ROBO2: variants seen among roughly 807,000 people sequenced by gnomAD.
The protein encoded by ROBO2 is roundabout guidance receptor 2.
A neutral mutation model predicts 160.8 loss-of-function variants in ROBO2; 53 were observed. That is an observed-to-expected ratio of 0.33 (90% CI 0.26 to 0.41). The LOEUF (loss-of-function observed/expected upper bound fraction) is 0.41, where lower values mean the gene tolerates loss of function less well. Ranked by LOEUF, ROBO2 falls within the 10% of genes least tolerant of loss-of-function variation. The probability of loss-of-function intolerance (pLI) is 1.00; values close to 1 mark genes in which losing one functional copy is unlikely to be tolerated. For synonymous variants in ROBO2, 664 were observed against 611.7 expected (o/e 1.09, Z -1.26); for missense variants, 1,577 against 1,722.4 (o/e 0.92, Z 1.49).
intron 2 of ROBO2, among the ~76,000 whole-genome samples, chr3:76,185,734 G>A (rs947085727): frequency 6.6e-5 from 10 of 152,000 alleles, no homozygotes; most frequent in Admixed American, 1.3e-4. Context: ...TTGTGAAGTC[G>A]GAAGGAGAAA....
At chr3:76,073,264 A>ATTC (rs1559888721) in intron 2 of ROBO2, among the ~76,000 whole-genome samples, 10 of 83,438 alleles carry the variant, frequency 1.2e-4, no homozygotes, top group Non-Finnish European at 1.6e-4. Flanking sequence ...CAGAATGAGT[A>ATTC]TTCTTTTTTT....
chr3:77,434,279 T>C (rs538858383), intron 2 of ROBO2, among the ~76,000 whole-genome samples: 6 of 152,220 alleles, frequency 3.9e-5, no homozygotes, highest in East Asian at 1.9e-4. Flanking sequence ...ATCCTTAATA[T>C]GATTTTTTTA....
intron 1 of ROBO2, among the ~76,000 whole-genome samples, chr3:77,083,768 G>C (rs1257895541): frequency 6.6e-6 from 1 of 152,092 alleles, no homozygotes; most frequent in Non-Finnish European, 1.5e-5. Flanking sequence ...GAGAAAGATG[G>C]AGTTGATGTC....
intron 2 of ROBO2, among the ~76,000 whole-genome samples, chr3:76,349,065 T>G (rs1414180579): frequency 1.3e-5 from 2 of 152,128 alleles, no homozygotes; most frequent in Non-Finnish European, 2.9e-5. Flanking sequence ...TCTTACTGTT[T>G]AAGATCTCTG....
At chr3:76,231,490 C>A (rs1038135668) in intron 2 of ROBO2, among the ~76,000 whole-genome samples, 1 of 151,998 alleles carries the variant, frequency 6.6e-6, no homozygotes, top group African/African-American at 2.4e-5. Context: ...TTCATTTTTT[C>A]TTTGATGACT....
rs1309183552 is a variant in ROBO2, at chr3:77,316,286, G to A, written c.389-161128G>A. ...CATTTGGTGTAAAAGAGGTGACGAC[G>A]ATGAACTGCGGTGGGAACAGGTCAT... On this transcript the variant is annotated intron_variant, in intron 2 of 25. Coordinates refer to ENST00000461745, the Ensembl canonical transcript of ROBO2. Among the ~76,000 whole-genome samples the A allele has an allele frequency of 2.6e-5, 4 of 152,092 alleles. No homozygotes were observed. The South Asian group carries it at 6.2e-4, about 24-fold the overall frequency.
At chr3:76,949,218 T>C (rs2078808146) in intron 2 of ROBO2, among the ~76,000 whole-genome samples, 1 of 152,072 alleles carries the variant, frequency 6.6e-6, no homozygotes, top group Admixed American at 6.6e-5. Flanking sequence ...TGCCGTATGC[T>C]GTGTGCAGCT....
chr3:77,319,782 T>A (rs2064475768), intron 2 of ROBO2, among the ~76,000 whole-genome samples: 1 of 152,190 alleles, frequency 6.6e-6, no homozygotes. Flanking sequence ...TTTTAATGGA[T>A]GTTGGGTGGC....
intron 2 of ROBO2, among the ~76,000 whole-genome samples, chr3:77,288,604 A>G (rs9848676): frequency 0.1 from 15,659 of 152,202 alleles, 1,051 homozygotes; most frequent in East Asian, 0.35. Flanking sequence ...CTCTCTGTGA[A>G]CCAACAGCTG....
At chr3:76,616,594 G>C (rs898957561) in intron 2 of ROBO2, among the ~76,000 whole-genome samples, 1 of 152,174 alleles carries the variant, frequency 6.6e-6, no homozygotes, top group Non-Finnish European at 1.5e-5. Flanking sequence ...GAAAGCAAAG[G>C]CAACTAATTA....
At chr3:76,571,216 C>A (rs973298179) in intron 2 of ROBO2, among the ~76,000 whole-genome samples, 2 of 152,212 alleles carry the variant, frequency 1.3e-5, no homozygotes, top group Non-Finnish European at 2.9e-5. Flanking sequence ...AGAAAACATT[C>A]TCAAAGCCAG....
At chr3:77,357,494 G>C (rs1322254204) in intron 2 of ROBO2, among the ~76,000 whole-genome samples, 6 of 152,130 alleles carry the variant, frequency 3.9e-5, no homozygotes, top group African/African-American at 1.2e-4. Flanking sequence ...TACCAGAAGT[G>C]TAAGAAATAA....
intron 5 of ROBO2, among the ~76,000 whole-genome samples, chr3:77,512,167 T>A (rs540912727): frequency 6.6e-6 from 1 of 152,086 alleles, no homozygotes; most frequent in Admixed American, 6.6e-5. Flanking sequence ...GTGATTTAAG[T>A]AAGAGCTTGC....
chr3:77,240,599 C>G (rs2088892216), intron 2 of ROBO2, among the ~76,000 whole-genome samples: 1 of 152,186 alleles, frequency 6.6e-6, no homozygotes, highest in Non-Finnish European at 1.5e-5. Context: ...CGAGGAGGCA[C>G]TGAGAGTGAG....
chr3:76,620,808 G>A (rs116707661), intron 2 of ROBO2, among the ~76,000 whole-genome samples: 2,857 of 152,142 alleles, frequency 0.019, 88 homozygotes, highest in African/African-American at 0.063. Context: ...ACAAAACGCC[G>A]GTCTTGGGTA....
intron 2 of ROBO2, among the ~76,000 whole-genome samples, chr3:76,185,223 C>G (rs1158094922): frequency 7.5e-5 from 1 of 13,266 alleles, no homozygotes; most frequent in African/African-American, 1.7e-4. Context: ...TATACACACA[C>G]AAAGATGTTA....
chr3:76,237,360 T>C (rs556541792), intron 2 of ROBO2, among the ~76,000 whole-genome samples: 1 of 152,336 alleles, frequency 6.6e-6, no homozygotes, highest in Non-Finnish European at 1.5e-5. Flanking sequence ...TGTCTAAACA[T>C]TATGTTTAAA....
intron 2 of ROBO2, among the ~76,000 whole-genome samples, chr3:77,288,702 G>T (rs1225899559): frequency 6.6e-6 from 1 of 152,032 alleles, no homozygotes; most frequent in Non-Finnish European, 1.5e-5. Flanking sequence ...TGCATTAACA[G>T]AATGTGTTAC....
intron 2 of ROBO2, among the ~76,000 whole-genome samples, chr3:75,980,745 T>A (rs1385342360): frequency 2.0e-5 from 3 of 151,498 alleles, no homozygotes; most frequent in Non-Finnish European, 4.4e-5. Context: ...AAAGTCTGAG[T>A]GCCATATAGA....
Sources: gnomAD v4.1 joint callset for allele counts (sites outside exome capture counted in the v4.1 genomes callset) on GRCh38, gnomAD v4.1.1 for gene constraint, MANE v1.5 for transcripts, NCBI Gene and HGNC (gene_info 2026-07-23, HGNC 2026-07-21) for gene names.